The following EXOSC4 variants were observed in gnomAD, a reference collection of about 807,000 sequenced individuals.
The protein encoded by EXOSC4 is exosome component 4.
In EXOSC4, 14 loss-of-function variants were observed where a neutral mutation model predicts 20.0. That is an observed-to-expected ratio of 0.70 (90% CI 0.46 to 1.09). The LOEUF (loss-of-function observed/expected upper bound fraction) is 1.09, where lower values mean the gene tolerates loss of function less well. EXOSC4 is among the 50% of genes least tolerant of loss of function. The pLI is 0.00. For missense variants in EXOSC4, 337 were observed against 334.0 expected (o/e 1.01, Z -0.07); for synonymous variants, 148 against 146.4 (o/e 1.01, Z -0.08).
the EXOSC4 span, among the ~76,000 whole-genome samples, chr8:144,067,947 A>G: frequency 6.6e-6 from 1 of 152,202 alleles, no homozygotes; most frequent in African/African-American, 2.4e-5. Context: ...CGGAGGTTCA[A>G]CCTGCCGAAA....
the EXOSC4 span, among the ~76,000 whole-genome samples, chr8:144,072,120 C>T: frequency 1.3e-5 from 2 of 152,178 alleles, no homozygotes; most frequent in Non-Finnish European, 2.9e-5. Context: ...GTGTCATTTC[C>T]GTGTGTTGGG....
upstream of EXOSC4, chr8:144,078,608 A>C: frequency 2.6e-6 from 3 of 1,147,564 alleles, no homozygotes; most frequent in Non-Finnish European, 3.4e-6. The surrounding 1 kb of genome is among the most constrained non-coding windows in gnomAD (Gnocchi z 4.7). Flanking sequence ...AGTTCCCCGG[A>C]ACCGGAAGTG....
the EXOSC4 span, among the ~76,000 whole-genome samples, chr8:144,065,039 G>T: frequency 6.6e-6 from 1 of 151,802 alleles, no homozygotes; most frequent in Non-Finnish European, 1.5e-5. Context: ...TAGAGTCGGG[G>T]TTTCACTGTG....
the EXOSC4 span, among the ~76,000 whole-genome samples, chr8:144,068,482 T>C: frequency 2.0e-5 from 3 of 152,226 alleles, no homozygotes; most frequent in Non-Finnish European, 4.4e-5. Flanking sequence ...GTTCTCATGC[T>C]GTGGAATCTG....
chr8:144,076,335 G>T (rs1835835162), upstream of EXOSC4, among the ~76,000 whole-genome samples: 1 of 152,146 alleles, frequency 6.6e-6, no homozygotes, highest in Admixed American at 6.5e-5. Context: ...TCCTCTCTGT[G>T]TAATAATCTT....
chr8:144,078,901 C>A lies in EXOSC4; in HGVS notation c.171+2C>A. 6.8e-7 allele frequency: 1 copy of A among 1,463,992 alleles called. No homozygotes were observed. Among genetic ancestry groups the A allele is most frequent in the South Asian group, 1.4e-5 (1 of 72,830 alleles). The allele number at this position is 1,463,992 out of a possible 1,614,324, so 90.7% of individuals were successfully genotyped here. ...GCTGTGGTCTACGGCCCGCACGAGG[C>A]GAGTGGGCGCGCGGGATGGGGAATC... is the stretch of plus-strand genomic sequence containing the variant. On this transcript the variant is annotated splice_donor_variant, in intron 1 of 2. Transcript: ENST00000316052. LOFTEE classifies it high-confidence loss of function. This position sits in a 1 kb window ranked among gnomAD's most constrained non-coding sequence, Gnocchi z 4.7.
the EXOSC4 span, among the ~76,000 whole-genome samples, chr8:144,065,812 C>CTT: frequency 1.4e-5 from 2 of 141,062 alleles, no homozygotes; most frequent in Non-Finnish European, 1.5e-5. Flanking sequence ...ATTTTATTTA[C>CTT]TTTTTTTTTT....
chr8:144,073,667 A>G (rs1554762389), upstream of EXOSC4, among the ~76,000 whole-genome samples: 1 of 152,056 alleles, frequency 6.6e-6, no homozygotes, highest in Non-Finnish European at 1.5e-5. Context: ...ACTGGCCAAC[A>G]TGGTAAAACC....
the EXOSC4 span, among the ~76,000 whole-genome samples, chr8:144,070,032 C>T: frequency 1.3e-5 from 2 of 152,234 alleles, no homozygotes; most frequent in South Asian, 2.1e-4. Context: ...AGCAAGGTGG[C>T]CGGGGAACGG....
intron 1 of EXOSC4, chr8:144,079,414 AAG>A (rs1835872835): frequency 7.7e-6 from 2 of 259,392 alleles, no homozygotes; most frequent in South Asian, 4.0e-5. Context: ...AAGGTATTGA[AAG>A]AGTGTTTGCT....
At position 144,078,854 on chromosome 8, in the gene EXOSC4, G is replaced by A; in HGVS notation, c.126G>A (p.Glu42=). ...FAQADGSAYI[E]QGNTKALAVV... ...AGGCTGACGGCTCGGCCTACATTGA[G>A]CAGGGCAACACCAAGGCACTGGCTG... is the stretch of plus-strand genomic sequence containing the variant. The change falls in exon 1 of 3, where the codon GAG becomes GAA. Residue 42 remains glutamate (E), a synonymous_variant. Transcript: ENST00000316052. The surrounding 1 kb of genome is among the most constrained non-coding windows in gnomAD (Gnocchi z 4.7). 1 of 1,572,432 alleles carries A rather than the reference G, an allele frequency of 6.4e-7. No individual in the cohort carries two copies. The highest frequency in any genetic ancestry group is 2.5e-5 in the East Asian group (1 of 39,876).
chr8:144,079,706 T>G (rs1554763199), intron 1 of EXOSC4: 1 of 680,194 alleles, frequency 1.5e-6, no homozygotes, highest in South Asian at 1.5e-5. Flanking sequence ...AGCGTTGATG[T>G]TTGTAAACTT....
upstream of EXOSC4, among the ~76,000 whole-genome samples, chr8:144,073,781 G>C (rs1554762429): frequency 1.3e-5 from 2 of 151,974 alleles, no homozygotes; most frequent in Non-Finnish European, 2.9e-5. Flanking sequence ...AACACGGGAG[G>C]CAGAGGTTGC....
At chr8:144,071,073 T>C in the EXOSC4 span, among the ~76,000 whole-genome samples, 9 of 151,546 alleles carry the variant, frequency 5.9e-5, no homozygotes, top group South Asian at 4.2e-4. Context: ...CTAAACAACA[T>C]GAAAAAACAG....
At chr8:144,066,081 A>C in the EXOSC4 span, among the ~76,000 whole-genome samples, 2 of 150,860 alleles carry the variant, frequency 1.3e-5, no homozygotes, top group African/African-American at 2.4e-5. Context: ...CAGTGGCGTG[A>C]TCTCAGCTCA....
rs200725192 is a variant in EXOSC4, at chr8:144,080,482, G to A, written c.619G>A (p.Glu207Lys). 3.4e-5 allele frequency: 54 copies of A among 1,607,634 alleles called. No individual in the cohort carries two copies. The Admixed American group carries it at 4.7e-4, about 14-fold the overall frequency. Residue 207 changes from glutamate (E) to lysine (K), a missense_variant, in exon 3 of 3, where the codon GAG becomes AAG. By Grantham distance (56) the Glu-to-Lys change is moderately conservative. Coordinates refer to ENST00000316052, the MANE Select transcript of EXOSC4 (RefSeq NM_019037.3). This position sits in a 1 kb window ranked among gnomAD's most constrained non-coding sequence, Gnocchi z 4.9. ...GCTTGAGATGGATGCCCGGCTGCAC[G>A]AGGACCACCTGGAGCGGGTGTTGGA... ...ALLEMDARLH[E>K]DHLERVLEAA... is the part of the protein sequence containing the mutation.
chr8:144,079,003 C>T (rs906876314), intron 1 of EXOSC4, 104 bp downstream of exon 1: 2 of 1,239,184 alleles, frequency 1.6e-6, no homozygotes, highest in Non-Finnish European at 2.1e-6. Context: ...CGGCGCGCCT[C>T]AGTCTACACA....
chr8:144,065,744 A>C, the EXOSC4 span, among the ~76,000 whole-genome samples: 4 of 152,102 alleles, frequency 2.6e-5, no homozygotes, highest in East Asian at 5.8e-4. Context: ...CAACTACAAT[A>C]AAATAATTCC....
chr8:144,078,588 G>T, upstream of EXOSC4: 6 of 938,798 alleles, frequency 6.4e-6, no homozygotes, highest in Non-Finnish European at 2.9e-6. This position sits in a 1 kb window ranked among gnomAD's most constrained non-coding sequence, Gnocchi z 4.7. Context: ...TCAGGGCCGC[G>T]GAGAGCTGTA....
Sources: gnomAD v4.1 joint callset for allele counts (sites outside exome capture counted in the v4.1 genomes callset) on GRCh38, gnomAD v4.1.1 for gene constraint, Gnocchi (gnomAD v3.1) non-coding constraint, MANE v1.5 for transcripts, NCBI Gene and HGNC (gene_info 2026-07-23, HGNC 2026-07-21) for gene names.